Variants in CEP76 observed in about 807,000 individuals in gnomAD.
CEP76 encodes the protein centrosomal protein 76, also known as centrosomal protein of 76 kDa.
Under a neutral mutation model 83.3 loss-of-function variants are expected in CEP76, and 55 were observed. That is an observed-to-expected ratio of 0.66 (90% CI 0.53 to 0.83). The LOEUF is 0.83. Ranked by LOEUF, CEP76 falls within the 40% of genes least tolerant of loss-of-function variation. The pLI, the probability that CEP76 is intolerant of heterozygous loss-of-function variation, is 0.00. For synonymous variants in CEP76, 270 were observed against 274.5 expected, an observed-to-expected ratio of 0.98 and a Z score of 0.16; for missense variants, 694 against 799.5, an observed-to-expected ratio of 0.87 and a Z score of 1.59.
chr18:12,699,238 C>G (rs1343579423), intron 3 of CEP76, 35 bp from the exon 4 acceptor site: 8 of 1,363,760 alleles, frequency 5.9e-6, no homozygotes, highest in Non-Finnish European at 8.2e-6. Flanking sequence ...AGGAAACTGC[C>G]AAATAACTTA....
intron 12 of CEP76, chr18:12,665,022 T>G (rs959935610): frequency 6.6e-6 from 1 of 152,094 alleles, no homozygotes; most frequent in Non-Finnish European, 1.5e-5. Flanking sequence ...AGATGGCCCT[T>G]TCCTGTTGCT....
Position 12,673,467 on chromosome 18 carries a change from T to G in CEP76, c.1878A>C (p.Gly626=), listed in dbSNP as rs2039002669. 1.3e-6 allele frequency: 2 copies of G among 1,588,590 alleles called. No individual in the cohort carries two copies. The highest frequency in any genetic ancestry group is 2.7e-5 in the African/African-American group (2 of 72,884). ...CACGAACTGCCAGTCGCACTTGGTC[T>G]CCACGGCAACAGATTATTTCTTCAC... is the stretch of plus-strand genomic sequence containing the variant. ...PFCEEIICCR[G]DQVRLAVRVR... The change falls in exon 12 of 12, where the codon GGA becomes GGC. Residue 626 remains glycine (G), a synonymous_variant. Coordinates refer to ENST00000262127, the MANE Select transcript of CEP76 (RefSeq NM_024899.4).
intron 12 of CEP76, among the ~76,000 whole-genome samples, chr18:12,666,419 G>A (rs999551753): frequency 1.3e-5 from 2 of 148,612 alleles, no homozygotes; most frequent in African/African-American, 4.9e-5. Flanking sequence ...CATTTTCAGG[G>A]TTAACAAAAT....
chr18:12,686,180 A>C, intron 8 of CEP76, 82 bp downstream of exon 8: 5 of 1,156,092 alleles, frequency 4.3e-6, no homozygotes, highest in Non-Finnish European at 6.1e-6. Flanking sequence ...GCATTTTTCT[A>C]AGGCATTCTT....
chr18:12,662,060 T>C (rs1287660478), exon 13 of CEP76: 1 of 368,384 alleles, frequency 2.7e-6, no homozygotes, highest in Non-Finnish European at 5.4e-6. Flanking sequence ...TGCTTCATAC[T>C]CTGGAGGTAC....
chr18:12,690,892 A>G (rs1461504420), intron 7 of CEP76, among the ~76,000 whole-genome samples: 1 of 152,102 alleles, frequency 6.6e-6, no homozygotes, highest in African/African-American at 2.4e-5. Flanking sequence ...TCGTGGTTAT[A>G]TACAATTTTT....
rs144968403 is a variant in CEP76, at chr18:12,697,084, A to T, written c.706+139T>A. 1.5e-3 allele frequency: 836 copies of T among 569,224 alleles called. 5 individuals are homozygous for T. Among genetic ancestry groups the T allele is most frequent in the East Asian group, 0.012 (420 of 34,162 alleles). The allele number at this position is 569,224 out of a possible 1,614,324, so 35.3% of individuals were successfully genotyped here. ...GACATTTCTCAAGATTAGGATGCTG[A>T]GGTCCAATTGTAACTCTAACGAAAT... On this transcript the variant is annotated intron_variant, in intron 5 of 11. Transcript: ENST00000262127.
intron 2 of CEP76, chr18:12,700,237 G>A (rs1001027457): frequency 5.9e-6 from 1 of 170,890 alleles, no homozygotes; most frequent in Admixed American, 6.3e-5. Context: ...ATTCCACTAT[G>A]AGCTGATTTT....
intron 5 of CEP76, among the ~76,000 whole-genome samples, chr18:12,696,059 G>A (rs890968170): frequency 6.6e-6 from 1 of 152,066 alleles, no homozygotes; most frequent in East Asian, 1.9e-4. Context: ...ATCAGAATCT[G>A]CTTGTTTCCA....
chr18:12,701,197 C>A (rs890206269), intron 1 of CEP76, 84 bp from the exon 2 acceptor site: 1 of 937,838 alleles, frequency 1.1e-6, no homozygotes. Context: ...CTCCAGCTAA[C>A]AGTAAATGCA....
chr18:12,673,795 C>T (rs1452172838), intron 11 of CEP76, among the ~76,000 whole-genome samples: 4 of 151,896 alleles, frequency 2.6e-5, no homozygotes, highest in Admixed American at 1.3e-4. Context: ...GCAGGAGAAT[C>T]GCTTGAATCC....
downstream of CEP76, among the ~76,000 whole-genome samples, chr18:12,669,172 G>A (rs1419647094): frequency 6.6e-6 from 1 of 150,560 alleles, no homozygotes; most frequent in Non-Finnish European, 1.5e-5. Context: ...GAGTGCAGTG[G>A]TGTGATCTCA....
chr18:12,702,511 T>G lies in CEP76; in HGVS notation c.38A>C (p.Gln13Pro), dbSNP rs991612156. ...CTTGCTCAGCTGCTGGTGGATGAGC[T>G]GCTTCAGCTCGGAGGCTTTCTCCGG... ...LPPEKASELK[Q>P]LIHQQLSKMD... Residue 13 changes from glutamine (Q) to proline (P), a missense_variant, in exon 1 of 12, where the codon CAG (glutamine) becomes CCG (proline). Transcript: ENST00000262127. 1.2e-6 allele frequency: 2 copies of G among 1,609,972 alleles called. No homozygotes were observed. The highest frequency in any genetic ancestry group is 1.7e-6 in the Non-Finnish European group (2 of 1,178,864).
In CEP76 at chr18:12,673,168, T is replaced by C. The variant is rs1218432543; in HGVS notation, c.*197A>G. 1 of 1,230,026 alleles carries C rather than the reference T, an allele frequency of 8.1e-7. No homozygotes were observed. The highest frequency in any genetic ancestry group is 1.6e-5 in the African/African-American group (1 of 62,872). 76.2% of individuals were successfully genotyped at this position (1,230,026 alleles called of 1,614,324 possible). On this transcript the variant is annotated 3_prime_UTR_variant, in exon 12 of 12. Transcript: ENST00000262127. ...TTATACTAAATTCCAGGGAGATTTA[T>C]ACAAGTTTTTCAGCCTTAATTTTTA...
At chr18:12,681,198 CAA>C (rs35644207) in intron 8 of CEP76, among the ~76,000 whole-genome samples, 5 of 82,902 alleles carry the variant, frequency 6.0e-5, no homozygotes, top group Non-Finnish European at 7.2e-5. Context: ...ACTCTGTTTC[CAA>C]AAAAAAAAAA....
Position 12,702,477 on chromosome 18 carries a change from G to A in CEP76, c.63+9C>T. 6.2e-7 allele frequency: 1 copy of A among 1,601,292 alleles called. No homozygotes were observed. The highest frequency in any genetic ancestry group is 1.1e-5 in the South Asian group (1 of 89,858). On this transcript the variant is annotated intron_variant, in intron 1 of 11. Transcript: ENST00000262127. ...CCCGGCGGTCTCTCCCAGCACCCGC[G>A]ACTCTCACCTTGCTCAGCTGCTGGT...
intron 6 of CEP76, chr18:12,692,334 C>T (rs2039798220): frequency 6.6e-6 from 1 of 151,684 alleles, no homozygotes; most frequent in East Asian, 1.9e-4. Flanking sequence ...AAAAAACATA[C>T]TGTCATTCTC....
Position 12,674,630 on chromosome 18 carries a change from T to C in CEP76, c.1747A>G (p.Ile583Val), listed in dbSNP as rs778738967. The C allele has an allele frequency of 6.8e-6, 11 of 1,614,070 alleles. No individual in the cohort carries two copies. The East Asian group carries it at 1.6e-4, about 23-fold the overall frequency. Reference protein sequence around the residue: ...SAGNEEFQDAIRRAVPDGHTF... With the variant: ...SAGNEEFQDAVRRAVPDGHTF... ...TGACCATCAGGTACAGCCCTTCTTA[T>C]GGCATCTTGAAATTCTTCATTGCCT... Residue 583 changes from isoleucine to valine, a missense_variant, in exon 11 of 12, where the codon ATA becomes GTA. Coordinates refer to ENST00000262127, the MANE Select transcript of CEP76 (RefSeq NM_024899.4).
rs1053042568 is a variant in CEP76 at position 12,673,306 on chromosome 18, A to G, written c.*59T>C. 2.6e-6 allele frequency: 4 copies of G among 1,554,012 alleles called. No individual in the cohort carries two copies. The highest frequency in any genetic ancestry group is 1.4e-5 in the African/African-American group (1 of 70,198). On this transcript the variant is annotated 3_prime_UTR_variant, in exon 12 of 12. Coordinates refer to ENST00000262127, the MANE Select transcript of CEP76 (RefSeq NM_024899.4). ...TAACAAACCTCTAAATAGCTAAGTAATGTACAATGTGTAAAATTCCAATTA... is the reference window on the plus strand; with the variant it reads ...TAACAAACCTCTAAATAGCTAAGTAGTGTACAATGTGTAAAATTCCAATTA...
Sources: allele counts gnomAD v4.1 joint callset (sites outside exome capture counted in the v4.1 genomes callset), GRCh38; gene constraint gnomAD v4.1.1; transcripts MANE v1.5; gene names NCBI Gene and HGNC (gene_info 2026-07-23, HGNC 2026-07-21).